The following JAK1 variants were observed in gnomAD, a reference collection of about 807,000 sequenced individuals.
JAK1 encodes tyrosine-protein kinase JAK1.
JAK1 carries 16 observed loss-of-function variants against 136.6 expected under a neutral mutation model. That is an observed-to-expected ratio of 0.12 (90% CI 0.08 to 0.18). JAK1 has a LOEUF of 0.18. Ranked by LOEUF, JAK1 falls within the 10% of genes least tolerant of loss-of-function variation. JAK1 has a pLI of 1.00. For synonymous variants in JAK1, 492 were observed against 519.5 expected (o/e 0.95, Z 0.72); for missense variants, 859 against 1,450.1 (o/e 0.59, Z 6.62).
chr1:65,052,688 C>T (rs1325520072), intron 1 of JAK1, among the ~76,000 whole-genome samples: 1 of 151,856 alleles, frequency 6.6e-6, no homozygotes, highest in African/African-American at 2.4e-5. Context: ...GTGGTGGGTG[C>T]CTGTAGTTCC....
intron 2 of JAK1, among the ~76,000 whole-genome samples, chr1:65,018,936 AG>A (rs1646914490): frequency 6.6e-6 from 1 of 152,292 alleles, no homozygotes; most frequent in African/African-American, 2.4e-5. Context: ...GGGTGAACCC[AG>A]GAGGCGGAGC....
At chr1:64,989,435 C>A (rs1490815195) in intron 2 of JAK1, 1 of 151,954 alleles carries the variant, frequency 6.6e-6, no homozygotes, top group African/African-American at 2.4e-5. Context: ...CACACCTTAC[C>A]TTGCAATGGT....
chr1:65,013,478 C>T (rs983235292), intron 2 of JAK1, among the ~76,000 whole-genome samples: 2 of 151,972 alleles, frequency 1.3e-5, no homozygotes, highest in African/African-American at 4.8e-5. Flanking sequence ...GCTACATTTT[C>T]CCCAAATTTC....
At chr1:64,922,948 A>T (rs1645521034) in intron 1 of JAK1, among the ~76,000 whole-genome samples, 1 of 152,188 alleles carries the variant, frequency 6.6e-6, no homozygotes. Context: ...GTTGTCAAGG[A>T]CCAACCACAG....
chr1:64,842,157 T>G (rs946623042), intron 17 of JAK1, among the ~76,000 whole-genome samples: 1 of 152,124 alleles, frequency 6.6e-6, no homozygotes, highest in Non-Finnish European at 1.5e-5. Flanking sequence ...ACTCAGAATT[T>G]TATATAACTC....
chr1:65,007,809 G>C (rs905756255), intron 2 of JAK1, among the ~76,000 whole-genome samples: 4 of 150,502 alleles, frequency 2.7e-5, no homozygotes, highest in African/African-American at 9.8e-5. Flanking sequence ...GCAACAGCAT[G>C]ATCTTGGCTC....
intron 2 of JAK1, among the ~76,000 whole-genome samples, chr1:65,035,133 A>G (rs1413629930): frequency 1.3e-5 from 2 of 152,164 alleles, no homozygotes; most frequent in African/African-American, 4.8e-5. Context: ...TCCAGAAAAT[A>G]CTTCAGGATT....
intron 22 of JAK1, among the ~76,000 whole-genome samples, chr1:64,837,061 A>C (rs1654527830): frequency 6.6e-6 from 1 of 152,142 alleles, no homozygotes; most frequent in African/African-American, 2.4e-5. Flanking sequence ...CTGTCTAGCA[A>C]CCGTCTGTCT....
chr1:64,838,872 G>A (rs530282793), intron 20 of JAK1, among the ~76,000 whole-genome samples: 53 of 152,182 alleles, frequency 3.5e-4, no homozygotes, highest in African/African-American at 9.2e-4. Flanking sequence ...CGGGCTGGGC[G>A]CGGTGGCTCA....
intron 2 of JAK1, among the ~76,000 whole-genome samples, chr1:64,983,309 A>C (rs1306796272): frequency 2.6e-5 from 4 of 152,152 alleles, no homozygotes; most frequent in African/African-American, 9.7e-5. Context: ...AATCCCCCTA[A>C]GGGCACTCGG....
chr1:64,935,238 AT>A (rs1645767460), intron 1 of JAK1, among the ~76,000 whole-genome samples: 1 of 152,216 alleles, frequency 6.6e-6, no homozygotes, highest in Admixed American at 6.5e-5. Context: ...TAAAAGAAAT[AT>A]TTCTGACCCT....
chr1:64,844,012 C>T lies in JAK1; in HGVS notation c.2403+52G>A, dbSNP rs987084145. 4 of 1,603,822 alleles carry T rather than the reference C, an allele frequency of 2.5e-6. No homozygotes were observed. Among genetic ancestry groups the T allele is most frequent in the South Asian group, 1.1e-5 (1 of 90,264 alleles). Reference sequence around the variant, plus strand: ...CTTCCGACAACTCCTGGGAAGCCCACGAGCACCTGAAAGCCCTCACTTGCC... The same window carrying T: ...CTTCCGACAACTCCTGGGAAGCCCATGAGCACCTGAAAGCCCTCACTTGCC... On this transcript the variant is annotated intron_variant, in intron 17 of 24. Transcript: ENST00000342505. This position sits in a 1 kb window ranked among gnomAD's most constrained non-coding sequence, Gnocchi z 5.7.
intron 12 of JAK1, among the ~76,000 whole-genome samples, chr1:64,850,221 A>G (rs1400673240): frequency 6.6e-6 from 1 of 152,174 alleles, no homozygotes; most frequent in Non-Finnish European, 1.5e-5. Context: ...TGGGCCTCAC[A>G]CCACCAGCAA....
chr1:64,838,113 G>A lies in JAK1; in HGVS notation c.2968-9C>T, dbSNP rs748353142. 1.9e-6 allele frequency: 3 copies of A among 1,608,742 alleles called. No individual in the cohort carries two copies. The highest frequency in any genetic ancestry group is 1.7e-6 in the Non-Finnish European group (2 of 1,176,590). On this transcript the variant is annotated splice_polypyrimidine_tract_variant and intron_variant, in intron 21 of 24. Coordinates refer to ENST00000342505, the MANE Select transcript of JAK1 (RefSeq NM_002227.4). ...CCCAAATAGTCCATCCCCTGAGAGA[G>A]AGAAGTAAAAGTCAAGCACATTGCT...
At chr1:64,877,127 A>G (rs1468080307) in intron 4 of JAK1, among the ~76,000 whole-genome samples, 1 of 152,220 alleles carries the variant, frequency 6.6e-6, no homozygotes, top group Non-Finnish European at 1.5e-5. Flanking sequence ...GATAACTATG[A>G]TTACCCAACA....
chr1:65,059,079 T>C (rs1647676840), intron 1 of JAK1, among the ~76,000 whole-genome samples: 2 of 151,828 alleles, frequency 1.3e-5, no homozygotes, highest in East Asian at 1.9e-4. Flanking sequence ...CAATGAATTA[T>C]TCATTAATTC....
At chr1:64,961,857 A>G (rs1646287849) in intron 1 of JAK1, among the ~76,000 whole-genome samples, 1 of 152,120 alleles carries the variant, frequency 6.6e-6, no homozygotes, top group Non-Finnish European at 1.5e-5. Context: ...ATCACCCACA[A>G]TGTGTTACAG....
intron 11 of JAK1, among the ~76,000 whole-genome samples, chr1:64,854,370 C>A (rs1449236971): frequency 6.6e-6 from 1 of 152,152 alleles, no homozygotes. Context: ...TTCTTTGAGG[C>A]CTTCCTCCTT....
chr1:65,033,725 C>CA (rs10700479), intron 2 of JAK1, among the ~76,000 whole-genome samples: 1,441 of 89,140 alleles, frequency 0.016, 31 homozygotes, highest in African/African-American at 0.047. Flanking sequence ...CCCGTAGTAC[C>CA]AAAAAAAAAA....
Sources: gnomAD v4.1 joint callset for allele counts (sites outside exome capture counted in the v4.1 genomes callset) on GRCh38, gnomAD v4.1.1 for gene constraint, Gnocchi (gnomAD v3.1) non-coding constraint, MANE v1.5 for transcripts, NCBI Gene and HGNC (gene_info 2026-07-23, HGNC 2026-07-21) for gene names.